The following IPO11 variants were observed in gnomAD, a reference collection of about 807,000 sequenced individuals.
IPO11 encodes the protein importin-11.
Under a neutral mutation model 143.2 loss-of-function variants are expected in IPO11, and 66 were observed. The observed-to-expected ratio is 0.46, with a 90% CI of 0.38 to 0.57. The LOEUF (loss-of-function observed/expected upper bound fraction) is 0.57, where lower values mean the gene tolerates loss of function less well. Ranked by LOEUF, IPO11 falls within the 20% of genes least tolerant of loss-of-function variation. The pLI, the probability that IPO11 is intolerant of heterozygous loss-of-function variation, is 0.00. For missense variants in IPO11, 1,026 were observed against 1,141.0 expected (o/e 0.90, Z 1.45); for synonymous variants, 385 against 377.8 (o/e 1.02, Z -0.22).
chr5:62,560,646 C>G (rs1159416559), intron 26 of IPO11: 1 of 152,292 alleles, frequency 6.6e-6, no homozygotes, highest in Non-Finnish European at 1.5e-5. Context: ...TTTAGTGTAG[C>G]ATGCAAATGT....
At chr5:62,503,300 C>CAGTATCTATTAATATATTAAT (rs879408965) in intron 16 of IPO11, among the ~76,000 whole-genome samples, 9,260 of 142,318 alleles carry the variant, frequency 0.065, 461 homozygotes, top group East Asian at 0.074. Context: ...CCATTTTTAT[C>CAGTATCTATTAATATATTAAT]AGTATCTATT....
chr5:62,444,094 T>TTTC, intron 3 of IPO11, among the ~76,000 whole-genome samples: 1 of 147,576 alleles, frequency 6.8e-6, no homozygotes, highest in Admixed American at 7.0e-5. Flanking sequence ...GACATGTCTT[T>TTTC]TTCTTTTTTT....
intron 12 of IPO11, among the ~76,000 whole-genome samples, chr5:62,485,841 C>T (rs1746378475): frequency 6.9e-6 from 1 of 145,074 alleles, no homozygotes; most frequent in South Asian, 2.1e-4. Context: ...CAAAGCAAAA[C>T]CCGTCTCTTA....
At chr5:62,423,184 G>A (rs1247611403) in intron 1 of IPO11, among the ~76,000 whole-genome samples, 1 of 151,912 alleles carries the variant, frequency 6.6e-6, no homozygotes, top group Admixed American at 6.6e-5. Flanking sequence ...AGTGTTTTTT[G>A]TAGATATTTC....
intron 16 of IPO11, among the ~76,000 whole-genome samples, chr5:62,494,803 G>A (rs763097372): frequency 9.2e-5 from 14 of 151,820 alleles, no homozygotes; most frequent in Non-Finnish European, 1.8e-4. Context: ...ATACATGTTC[G>A]CTGTCTTTTC....
intron 5 of IPO11, among the ~76,000 whole-genome samples, chr5:62,455,571 A>G (rs1745102702): frequency 6.6e-6 from 1 of 152,132 alleles, no homozygotes; most frequent in African/African-American, 2.4e-5. Flanking sequence ...GCTATAGCAA[A>G]GTGTAGTGCA....
intron 22 of IPO11, among the ~76,000 whole-genome samples, chr5:62,535,886 G>C (rs1292666195): frequency 6.6e-6 from 1 of 151,984 alleles, no homozygotes; most frequent in East Asian, 1.9e-4. Context: ...TGATATTTTG[G>C]GGTCATATTT....
At chr5:62,601,506 G>A (rs1745506391) in intron 28 of IPO11, among the ~76,000 whole-genome samples, 1 of 152,088 alleles carries the variant, frequency 6.6e-6, no homozygotes, top group Non-Finnish European at 1.5e-5. Flanking sequence ...TTCAGAAGTG[G>A]CGTATAAATA....
chr5:62,470,131 C>A, intron 6 of IPO11, 119 bp from the exon 7 acceptor site: 1 of 919,508 alleles, frequency 1.1e-6, no homozygotes, highest in Non-Finnish European at 1.7e-6. Flanking sequence ...CAGGAGTTAA[C>A]TTTCCAACCC....
At chr5:62,423,948 A>G (rs1743606964) in intron 1 of IPO11, among the ~76,000 whole-genome samples, 1 of 151,886 alleles carries the variant, frequency 6.6e-6, no homozygotes, top group Non-Finnish European at 1.5e-5. Flanking sequence ...GTTTGCTTGT[A>G]TTTCCTATCC....
rs146039127 is a variant in IPO11 at position 62,437,174 on chromosome 5, A to C, written c.-6-100A>C. ...GAACATGAAGGATTAGATGAATGGG[A>C]GTAATTCAGAACATGAAAGCTTTTT... On this transcript the variant is annotated intron_variant, in intron 1 of 29. Coordinates refer to ENST00000325324, the MANE Select transcript of IPO11 (RefSeq NM_016338.5). 1.1e-4 allele frequency: 94 copies of C among 826,144 alleles called. No individual in the cohort carries two copies. In the East Asian group the frequency reaches 2.6e-3, roughly 23 times the overall value. The allele number at this position is 826,144 out of a possible 1,614,324, so 51.2% of individuals were successfully genotyped here. A position where few individuals can be genotyped will look rare whatever the true frequency, so the allele number is the denominator to read the frequency against.
chr5:62,530,534 A>T (rs1282272529), intron 21 of IPO11, among the ~76,000 whole-genome samples, 175 bp from the exon 22 acceptor site: 1 of 152,218 alleles, frequency 6.6e-6, no homozygotes, highest in African/African-American at 2.4e-5. Context: ...TAATTTGCAG[A>T]CAGGTTTTTA....
intron 27 of IPO11, among the ~76,000 whole-genome samples, chr5:62,590,572 T>C (rs1744971569): frequency 6.6e-6 from 1 of 152,194 alleles, no homozygotes; most frequent in South Asian, 2.1e-4. Context: ...ATTAAGGTTG[T>C]GATTCATTTC....
At chr5:62,616,719 C>CAAAAAAAA (rs538760503) in intron 29 of IPO11, among the ~76,000 whole-genome samples, 7 of 84,436 alleles carry the variant, frequency 8.3e-5, no homozygotes, top group African/African-American at 3.1e-4. Flanking sequence ...GACTCTGACT[C>CAAAAAAAA]AAAAAAAAAA....
chr5:62,440,180 G>C (rs914027029), intron 2 of IPO11, among the ~76,000 whole-genome samples: 2 of 152,230 alleles, frequency 1.3e-5, no homozygotes, highest in East Asian at 1.9e-4. Flanking sequence ...TGATTAATGT[G>C]GTAAAAGAAG....
intron 15 of IPO11, among the ~76,000 whole-genome samples, chr5:62,493,704 G>C (rs1169783228): frequency 6.6e-6 from 1 of 152,006 alleles, no homozygotes; most frequent in African/African-American, 2.4e-5. Context: ...AAGAAGCTGG[G>C]ACCACAGGTG....
At chr5:62,488,876 A>T (rs1010835720) in intron 13 of IPO11, among the ~76,000 whole-genome samples, 2 of 152,110 alleles carry the variant, frequency 1.3e-5, no homozygotes, top group Non-Finnish European at 2.9e-5. Context: ...GGTGGTTAGT[A>T]CCTGTAGTCC....
chr5:62,516,401 C>G (rs940516716), intron 20 of IPO11, among the ~76,000 whole-genome samples: 3 of 152,110 alleles, frequency 2.0e-5, no homozygotes, highest in Admixed American at 6.5e-5. Flanking sequence ...TCAAGCAAGT[C>G]TCCTGTCTCA....
In IPO11 at chr5:62,628,207, A is replaced by G. The variant is rs1040576272; in HGVS notation, c.*889A>G. 1 of 152,456 alleles carries G rather than the reference A, an allele frequency of 6.6e-6. No homozygotes were observed. The highest frequency in any genetic ancestry group is 1.5e-5 in the Non-Finnish European group (1 of 68,026). 9.4% of individuals were successfully genotyped at this position (152,456 alleles called of 1,614,324 possible). On this transcript the variant is annotated 3_prime_UTR_variant, in exon 30 of 30. Transcript: ENST00000325324. The stretch of plus-strand genomic sequence containing the variant: ...AGTGCAGGGGTGCATCAGGGCCTCA[A>G]TAATAGGGGTATACCTGGGAGGATC...
Sources: gnomAD v4.1 joint callset for allele counts (sites outside exome capture counted in the v4.1 genomes callset) on GRCh38, gnomAD v4.1.1 for gene constraint, MANE v1.5 for transcripts, NCBI Gene and HGNC (gene_info 2026-07-23, HGNC 2026-07-21) for gene names.